Variants in NOC3L observed in about 807,000 individuals in gnomAD.
NOC3L encodes the protein nucleolar complex protein 3 homolog.
In NOC3L, 85 loss-of-function variants were observed where a neutral mutation model predicts 102.5. That is an observed-to-expected ratio of 0.83 (90% CI 0.70 to 0.99). NOC3L has a LOEUF of 0.99. Ranked by LOEUF, NOC3L falls within the 50% of genes least tolerant of loss-of-function variation. The pLI is 0.00. For missense variants in NOC3L, 878 were observed against 914.9 expected (o/e 0.96, Z 0.52); for synonymous variants, 303 against 309.4 (o/e 0.98, Z 0.22).
intron 13 of NOC3L, 55 bp from the exon 14 acceptor site, chr10:94,341,800 A>G: frequency 9.6e-7 from 1 of 1,039,890 alleles, no homozygotes; most frequent in Non-Finnish European, 1.4e-6. Context: ...TAAAGCTGGT[A>G]GAAATTAAGC....
At chr10:94,334,795 A>G in intron 19 of NOC3L, 77 bp from the exon 20 acceptor site, 1 of 1,030,148 alleles carries the variant, frequency 9.7e-7, no homozygotes, top group Non-Finnish European at 1.5e-6. Context: ...ATACTCAGAG[A>G]ATGATTCATT....
chr10:94,321,439 C>G, the NOC3L span, among the ~76,000 whole-genome samples: 5 of 152,176 alleles, frequency 3.3e-5, no homozygotes, highest in African/African-American at 9.6e-5. Context: ...CAAGACCAGC[C>G]TGGCCAGCAT....
At chr10:94,316,732 G>A in the NOC3L span, 1 of 1,613,878 alleles carries the variant, frequency 6.2e-7, no homozygotes, top group East Asian at 2.2e-5. Flanking sequence ...ACATGGGCAG[G>A]ATTGTCTTAA....
Position 94,357,209 on chromosome 10 carries a change from T to C in NOC3L, c.473A>G (p.Lys158Arg), listed in dbSNP as rs1405817951. 1.2e-6 allele frequency: 2 copies of C among 1,600,202 alleles called. No homozygotes were observed. The highest frequency in any genetic ancestry group is 2.7e-5 in the African/African-American group (2 of 74,214). The change falls in exon 4 of 21, where the codon AAA becomes AGA. Residue 158 changes from lysine to arginine, a missense_variant. Coordinates refer to ENST00000371361, the MANE Select transcript of NOC3L (RefSeq NM_022451.11). The part of the protein sequence containing the change: ...ELIHLLPIKD[K>R]SGIIPQTREK... The stretch of plus-strand genomic sequence containing the variant: ...CCTAGTCTGTGGGATTATACCACTT[T>C]TATCTTTGATAGGAAGTAAATGAAT...
In NOC3L at chr10:94,354,938, G is replaced by A. The variant is rs771871048; in HGVS notation, c.696+25C>T. ...ATTTACACCATACCTAATACAAAGA[G>A]CCTAAAGAAATTAATACTACCTACA... On this transcript the variant is annotated intron_variant, in intron 6 of 20. Transcript: ENST00000371361. 19 of 1,607,762 alleles carry A rather than the reference G, an allele frequency of 1.2e-5. No individual in the cohort carries two copies. The East Asian group carries it at 3.4e-4, about 28-fold the overall frequency.
chr10:94,360,262 G>A lies in NOC3L; in HGVS notation c.217+1403C>T, dbSNP rs868235216. 3.3e-5 allele frequency among the ~76,000 whole-genome samples: 5 copies of A among 152,280 alleles called. 1 individual carries two copies. In the Middle Eastern group the frequency reaches 0.01, roughly 311 times the overall value. On this transcript the variant is annotated intron_variant, in intron 2 of 20. Transcript: ENST00000371361. ...ACTGGGGAGTCGGGGGTTGCAGTGA[G>A]CCGGGATCGTGCCACTGCACTCCAG...
At chr10:94,319,481 TCTGATCTCTCCTGC>T in the NOC3L span, among the ~76,000 whole-genome samples, 1 of 152,202 alleles carries the variant, frequency 6.6e-6, no homozygotes, top group African/African-American at 2.4e-5. Flanking sequence ...CTCTGTGACC[TCTGATCTCTCCTGC>T]CTTTTATAAT....
chr10:94,354,051 C>T (rs1291862172), intron 6 of NOC3L, among the ~76,000 whole-genome samples: 1 of 152,080 alleles, frequency 6.6e-6, no homozygotes, highest in Non-Finnish European at 1.5e-5. Context: ...AAAATTAGAT[C>T]AATCTCTTAT....
chr10:94,324,940 A>C, the NOC3L span: 1 of 1,614,194 alleles, frequency 6.2e-7, no homozygotes. Context: ...AAGTGAACTC[A>C]AGAAGCTCAC....
At chr10:94,340,624 G>A in intron 14 of NOC3L, 128 bp from the exon 15 acceptor site, 1 of 727,224 alleles carries the variant, frequency 1.4e-6, no homozygotes, top group South Asian at 1.8e-5. Context: ...CAATTTGGGA[G>A]GCTGAGGCAG....
At position 94,352,875 on chromosome 10, in the gene NOC3L, TATCTAGCA is replaced by T. The variant is rs2054437756; in HGVS notation, c.858+13_858+20del. Reference sequence around the variant, plus strand: ...GTTTAGTTATTTTAGATAGTAATTATATCTAGCAATCTAGCATTACCTTAGTAGATTTT... The same window carrying T: ...GTTTAGTTATTTTAGATAGTAATTATATCTAGCATTACCTTAGTAGATTTT... On this transcript the variant is annotated intron_variant, in intron 7 of 20. Coordinates refer to ENST00000371361, the MANE Select transcript of NOC3L (RefSeq NM_022451.11). The T allele has an allele frequency of 1.3e-6, 2 of 1,595,478 alleles. No individual in the cohort carries two copies. The highest frequency in any genetic ancestry group is 1.7e-6 in the Non-Finnish European group (2 of 1,169,882).
chr10:94,316,147 G>A, the NOC3L span, among the ~76,000 whole-genome samples: 1 of 152,168 alleles, frequency 6.6e-6, no homozygotes, highest in Non-Finnish European at 1.5e-5. Flanking sequence ...CCTTCCATGA[G>A]AAGATGACCG....
At chr10:94,344,802 T>G (rs1254683396) in intron 12 of NOC3L, 51 bp downstream of exon 12, 1 of 1,404,856 alleles carries the variant, frequency 7.1e-7, no homozygotes, top group Admixed American at 2.1e-5. Flanking sequence ...AATTTCTAGT[T>G]TAAACAACTT....
At chr10:94,321,683 T>C in the NOC3L span, among the ~76,000 whole-genome samples, 4 of 151,596 alleles carry the variant, frequency 2.6e-5, no homozygotes, top group African/African-American at 9.7e-5. Context: ...TGGCTTGTTA[T>C]GGATCTATCA....
chr10:94,339,392 T>C (rs2133985932), intron 17 of NOC3L, among the ~76,000 whole-genome samples: 1 of 152,338 alleles, frequency 6.6e-6, no homozygotes, highest in South Asian at 2.1e-4. Context: ...CATGATTAAA[T>C]GCTAAGGTTA....
intron 2 of NOC3L, among the ~76,000 whole-genome samples, chr10:94,359,924 T>C (rs1487487354): frequency 6.6e-6 from 1 of 152,090 alleles, no homozygotes; most frequent in Non-Finnish European, 1.5e-5. Context: ...AAGAAATCAG[T>C]ATACCGAACA....
At chr10:94,356,687 T>C (rs1340250259) in intron 4 of NOC3L, 96 bp from the exon 5 acceptor site, 2 of 758,298 alleles carry the variant, frequency 2.6e-6, no homozygotes, top group Admixed American at 2.2e-5. Context: ...AAACTCAGGA[T>C]AGCAGTTACT....
At position 94,361,836 on chromosome 10, in the gene NOC3L, A is replaced by G. The variant is rs1291085639; in HGVS notation, c.46T>C (p.Leu16=). ...NKKQIPSFRK[L]IKTSKVKLEN... Reference sequence around the variant, plus strand: ...AGTTTGACTTTACTAGTTTTTATTAACTTGCGAAAGCTTGGGATCTGTTTT... The same window carrying G: ...AGTTTGACTTTACTAGTTTTTATTAGCTTGCGAAAGCTTGGGATCTGTTTT... The change falls in exon 2 of 21, where the codon TTA becomes CTA. Residue 16 remains leucine (L), a synonymous_variant. Transcript: ENST00000371361. 6.2e-7 allele frequency: 1 copy of G among 1,613,296 alleles called. No homozygotes were observed.
At chr10:94,336,433 C>T (rs575814169) in intron 19 of NOC3L, among the ~76,000 whole-genome samples, 3 of 152,018 alleles carry the variant, frequency 2.0e-5, no homozygotes, top group Non-Finnish European at 2.9e-5. Context: ...CTGCAATCTC[C>T]GCCTCCCGGG....
Sources: allele counts gnomAD v4.1 joint callset (sites outside exome capture counted in the v4.1 genomes callset), GRCh38; gene constraint gnomAD v4.1.1; transcripts MANE v1.5; gene names NCBI Gene and HGNC (gene_info 2026-07-23, HGNC 2026-07-21).